The following LITAF variants were observed in gnomAD, a reference collection of about 807,000 sequenced individuals.
LITAF encodes the protein lipopolysaccharide-induced tumor necrosis factor-alpha factor.
Under a neutral mutation model 14.5 loss-of-function variants are expected in LITAF, and 9 were observed. The observed-to-expected ratio is 0.62, with a 90% confidence interval of 0.37 to 1.08. LITAF has a LOEUF of 1.08. Among genes scored for constraint, LITAF ranks in the 50% least tolerant of loss-of-function variants. LITAF has a pLI of 0.01. For missense variants in LITAF, 206 were observed against 213.4 expected, an observed-to-expected ratio of 0.97 and a Z score of 0.22; for synonymous variants, 98 against 88.2, an observed-to-expected ratio of 1.11 and a Z score of -0.62.
rs201429019 is a variant in LITAF, at chr16:11,549,600, C to T, written c.*37G>A. 1 of 1,515,182 alleles carries T rather than the reference C, an allele frequency of 6.6e-7. No homozygotes were observed. The highest frequency in any genetic ancestry group is 1.2e-5 in the South Asian group (1 of 86,554). The allele number at this position is 1,515,182 out of a possible 1,614,324, so 93.9% of individuals were successfully genotyped here. A position where few individuals can be genotyped will look rare whatever the true frequency, so the allele number is the denominator to read the frequency against. ...GCTGGATGAGAGGTGGAAAGGACTT[C>T]CTGCGGCACCCGGCTCCCTCCACGT... is the stretch of plus-strand genomic sequence containing the variant. On this transcript the variant is annotated 3_prime_UTR_variant, in exon 4 of 4. Coordinates refer to ENST00000622633, the MANE Select transcript of LITAF (RefSeq NM_001136472.2). The surrounding 1 kb of genome is among the most constrained non-coding windows in gnomAD (Gnocchi z 4.6).
At chr16:11,611,401 T>G (rs2141878564) in intron 3 of LITAF, among the ~76,000 whole-genome samples, 1 of 152,272 alleles carries the variant, frequency 6.6e-6, no homozygotes, top group East Asian at 1.9e-4. Context: ...AGTGAATACT[T>G]TTTTAGCAAG....
upstream of LITAF, among the ~76,000 whole-genome samples, chr16:11,602,156 G>A (rs1385770513): frequency 6.6e-6 from 1 of 152,164 alleles, no homozygotes; most frequent in Non-Finnish European, 1.5e-5. Flanking sequence ...GAGCTCAGGA[G>A]TTCGAGACCA....
chr16:11,568,458 C>G (rs947457320), intron 1 of LITAF, among the ~76,000 whole-genome samples: 3 of 152,042 alleles, frequency 2.0e-5, no homozygotes, highest in African/African-American at 7.2e-5. Context: ...GCCACTTGTT[C>G]AATGGGGACA....
chr16:11,588,553 GAGAA>G (rs534415752), upstream of LITAF, among the ~76,000 whole-genome samples: 17 of 139,596 alleles, frequency 1.2e-4, no homozygotes, highest in African/African-American at 2.9e-4. Flanking sequence ...AAGAAAGAAA[GAGAA>G]AGAAAGAAAG....
chr16:11,638,042 CTA>C (rs559457634), upstream of LITAF, among the ~76,000 whole-genome samples: 1,136 of 85,096 alleles, frequency 0.013, 231 homozygotes, highest in East Asian at 0.13. Context: ...CTATATATAT[CTA>C]TATATATATC....
chr16:11,553,612 T>C lies in LITAF; in HGVS notation c.298A>G (p.Asn100Asp). The change falls in exon 3 of 4, where the codon AAC becomes GAC. Residue 100 changes from asparagine (N) to aspartate (D), a missense_variant. Coordinates refer to ENST00000622633, the MANE Select transcript of LITAF (RefSeq NM_001136472.2). This position sits in a 1 kb window ranked among gnomAD's most constrained non-coding sequence, Gnocchi z 7.7. ...RPIQMCCPSC[N>D]KMIVSQLSYN... Reference sequence around the variant, plus strand: ...GACAGCTGACTCACGATCATCTTGTTGCAGGAAGGACAACACATTTGGATA... The same window carrying C: ...GACAGCTGACTCACGATCATCTTGTCGCAGGAAGGACAACACATTTGGATA... 6 of 1,614,148 alleles carry C rather than the reference T, an allele frequency of 3.7e-6. No homozygotes were observed. Among genetic ancestry groups the C allele is most frequent in the Non-Finnish European group, 5.1e-6 (6 of 1,180,020 alleles).
At position 11,631,941 on chromosome 16, in the gene LITAF, C is replaced by T. The variant is rs956348029; in HGVS notation, c.85+1592G>A. On this transcript the variant is annotated intron_variant, in intron 3 of 3. Transcript: ENST00000574848. ...CTCAGCTCACTGCAATCTCTGCCTC[C>T]CTGCAATCTCTGCCTCCCTGCTTCA... 2.6e-5 allele frequency among the ~76,000 whole-genome samples: 4 copies of T among 151,672 alleles called. No individual in the cohort carries two copies. In the East Asian group the frequency reaches 7.8e-4, roughly 29 times the overall value.
chr16:11,548,915 G>A lies in LITAF; in HGVS notation c.*722C>T. 1 of 454,028 alleles carries A rather than the reference G, an allele frequency of 2.2e-6. No homozygotes were observed. Among genetic ancestry groups the A allele is most frequent in the Non-Finnish European group, 4.4e-6 (1 of 226,782 alleles). 28.1% of individuals were successfully genotyped at this position (454,028 alleles called of 1,614,324 possible). On this transcript the variant is annotated 3_prime_UTR_variant, in exon 4 of 4. Transcript: ENST00000622633. The stretch of plus-strand genomic sequence containing the variant: ...CTCTATGAGAAAAAAATCCCTGTAT[G>A]GAAAGGGGCACTGAAGATCTGGCAC...
chr16:11,638,879 A>T (rs2065153666), upstream of LITAF, among the ~76,000 whole-genome samples: 1 of 151,614 alleles, frequency 6.6e-6, no homozygotes, highest in Admixed American at 6.6e-5. Context: ...TACCTTTTTA[A>T]CCTGTGTATT....
chr16:11,594,982 C>G (rs1383626567), intron 1 of LITAF, among the ~76,000 whole-genome samples: 1 of 152,098 alleles, frequency 6.6e-6, no homozygotes, highest in East Asian at 1.9e-4. Flanking sequence ...AATTTTTCGT[C>G]CTTTTGCTAC....
chr16:11,577,025 TC>T (rs1449418229), intron 1 of LITAF, among the ~76,000 whole-genome samples: 1 of 152,164 alleles, frequency 6.6e-6, no homozygotes, highest in Non-Finnish European at 1.5e-5. Flanking sequence ...CTGTTTCACA[TC>T]CCCTGGCTGA....
At chr16:11,637,960 ATATATC>A (rs1291524033), upstream of LITAF, among the ~76,000 whole-genome samples, 471 of 52,774 alleles carry the variant, frequency 8.9e-3, 81 homozygotes, top group African/African-American at 0.026. Flanking sequence ...ATATATCTAT[ATATATC>A]TATATATCTA....
rs113924152 is a variant in LITAF at position 11,625,925 on chromosome 16, G to T, written c.85+7608C>A. ...AGGCAGAAAACCTCATGACCCCAGT[G>T]CCCATGAGGAAATGGAAGCACAGAG... On this transcript the variant is annotated intron_variant, in intron 3 of 3. Transcript: ENST00000574848. Among the ~76,000 whole-genome samples, 107 of 152,154 alleles carry T rather than the reference G, an allele frequency of 7.0e-4. 1 individual carries two copies. The highest frequency in any genetic ancestry group is 2.4e-3 in the African/African-American group (99 of 41,508).
At chr16:11,574,610 G>A (rs1004307681) in intron 1 of LITAF, among the ~76,000 whole-genome samples, 3 of 152,054 alleles carry the variant, frequency 2.0e-5, no homozygotes, top group East Asian at 3.9e-4. Context: ...GGTCCTTCCC[G>A]CCTCTGGGTA....
chr16:11,601,343 G>A (rs1213678799), upstream of LITAF, among the ~76,000 whole-genome samples: 2 of 151,778 alleles, frequency 1.3e-5, no homozygotes, highest in African/African-American at 2.4e-5. Flanking sequence ...ACCTTCATGG[G>A]GCTACCACAA....
chr16:11,577,606 C>T (rs929351235), intron 1 of LITAF, among the ~76,000 whole-genome samples: 52 of 152,078 alleles, frequency 3.4e-4, no homozygotes, highest in Non-Finnish European at 6.8e-4. Flanking sequence ...GTGTAAGCCA[C>T]CACACCTGGC....
intron 3 of LITAF, among the ~76,000 whole-genome samples, chr16:11,615,787 G>A (rs1048387069): frequency 7.2e-5 from 11 of 152,228 alleles, no homozygotes; most frequent in African/African-American, 2.4e-4. Context: ...GCACAGAGCT[G>A]CCAAAGCCCT....
chr16:11,634,770 C>T lies in LITAF; in HGVS notation c.-21+1055G>A, dbSNP rs28522442. The stretch of plus-strand genomic sequence containing the variant: ...CTGGTCTCTACCAGGCATGGTGGCT[C>T]ACATCTGTAATCCCAGCACTTTGGG... On this transcript the variant is annotated intron_variant, in intron 2 of 3. Transcript: ENST00000574848. The surrounding 1 kb of genome is among the most constrained non-coding windows in gnomAD (Gnocchi z 4.1). 6.6e-5 allele frequency among the ~76,000 whole-genome samples: 10 copies of T among 152,136 alleles called. No homozygotes were observed. The highest frequency in any genetic ancestry group is 1.4e-4 in the African/African-American group (6 of 41,414).
At chr16:11,626,274 G>A (rs144433062) in intron 3 of LITAF, among the ~76,000 whole-genome samples, 2,012 of 152,176 alleles carry the variant, frequency 0.013, 38 homozygotes, top group African/African-American at 0.046. Flanking sequence ...TGCCTCCCAG[G>A]TTCAGGCAAT....
Sources: gnomAD v4.1 joint callset for allele counts (sites outside exome capture counted in the v4.1 genomes callset) on GRCh38, gnomAD v4.1.1 for gene constraint, Gnocchi (gnomAD v3.1) non-coding constraint, MANE v1.5 for transcripts, NCBI Gene and HGNC (gene_info 2026-07-23, HGNC 2026-07-21) for gene names.